Variants in GRM7 observed in about 807,000 individuals in gnomAD.
The protein encoded by GRM7 is glutamate metabotropic receptor 7, also known as metabotropic glutamate receptor 7.
GRM7 carries 35 observed loss-of-function variants against 84.5 expected under a neutral mutation model. That is an observed-to-expected ratio of 0.41 (90% CI 0.32 to 0.55). The LOEUF is 0.55. Ranked by LOEUF, GRM7 falls within the 20% of genes least tolerant of loss-of-function variation. GRM7 has a pLI of 0.19. For missense variants in GRM7, 1,003 were observed against 1,194.6 expected, an observed-to-expected ratio of 0.84 and a Z score of 2.36; for synonymous variants, 487 against 455.1, an observed-to-expected ratio of 1.07 and a Z score of -0.89.
At chr3:7,396,743 AT>A (rs1458201550) in intron 4 of GRM7, among the ~76,000 whole-genome samples, 1 of 152,114 alleles carries the variant, frequency 6.6e-6, no homozygotes, top group Non-Finnish European at 1.5e-5. Flanking sequence ...CTCTTTGTGC[AT>A]GTTATCTGAT....
chr3:7,577,340 A>G (rs1209059163), intron 7 of GRM7, among the ~76,000 whole-genome samples: 1 of 152,208 alleles, frequency 6.6e-6, no homozygotes, highest in Non-Finnish European at 1.5e-5. Flanking sequence ...ACAAGTCCAT[A>G]TGATGGTGAT....
chr3:7,568,930 C>T (rs935748952), intron 7 of GRM7, among the ~76,000 whole-genome samples: 1 of 152,152 alleles, frequency 6.6e-6, no homozygotes, highest in Non-Finnish European at 1.5e-5. Flanking sequence ...CCGCCCCCTG[C>T]TCCACCGGTG....
chr3:7,727,574 T>A (rs1158595086), intron 9 of GRM7, among the ~76,000 whole-genome samples: 1 of 152,210 alleles, frequency 6.6e-6, no homozygotes, highest in East Asian at 1.9e-4. Context: ...TGACACATTA[T>A]GTCCCAGTCT....
Position 6,862,956 on chromosome 3 carries a change from C to G in GRM7, c.519+1049C>G. On this transcript the variant is annotated intron_variant, in intron 1 of 9. Transcript: ENST00000357716. This position sits in a 1 kb window ranked among gnomAD's most constrained non-coding sequence, Gnocchi z 5.2. ...GGGTTCTGCCGCAGTGTTCTCTCGCCTCCTGCTCCAGCAGCCTCTGCCCCA... is the reference window on the plus strand; with the variant it reads ...GGGTTCTGCCGCAGTGTTCTCTCGCGTCCTGCTCCAGCAGCCTCTGCCCCA... 1 of 455,842 alleles carries G rather than the reference C, an allele frequency of 2.2e-6. No individual in the cohort carries two copies. The allele number at this position is 455,842 out of a possible 1,614,324, so 28.2% of individuals were successfully genotyped here.
intron 8 of GRM7, among the ~76,000 whole-genome samples, chr3:7,661,517 G>A (rs1699443433): frequency 6.6e-6 from 1 of 152,122 alleles, no homozygotes; most frequent in South Asian, 2.1e-4. Flanking sequence ...AATGCTGGCC[G>A]GGCGCGGTGG....
chr3:6,891,008 A>G (rs1030306267), intron 1 of GRM7, among the ~76,000 whole-genome samples: 8 of 151,592 alleles, frequency 5.3e-5, no homozygotes, highest in African/African-American at 1.9e-4. Flanking sequence ...GTGTCTTTTG[A>G]TCTTTGTTGG....
chr3:7,458,961 T>G (rs530590109), intron 6 of GRM7, among the ~76,000 whole-genome samples: 65 of 152,332 alleles, frequency 4.3e-4, no homozygotes, highest in African/African-American at 1.3e-3. Flanking sequence ...CAAGACTTGT[T>G]GAAATCAGAA....
intron 4 of GRM7, among the ~76,000 whole-genome samples, chr3:7,322,455 T>A (rs1700819498): frequency 6.6e-6 from 1 of 151,996 alleles, no homozygotes; most frequent in Non-Finnish European, 1.5e-5. Context: ...TGTTGTTACA[T>A]GGATACGTTC....
Position 7,146,434 on chromosome 3 carries a change from G to A in GRM7, c.520-18G>A, listed in dbSNP as rs1377514594. 2.5e-6 allele frequency: 4 copies of A among 1,587,114 alleles called. No individual in the cohort carries two copies. The highest frequency in any genetic ancestry group is 2.2e-5 in the East Asian group (1 of 44,746). ...TCCTGACGGTGCACTCTCACGTGGT[G>A]CTTTCTTGTCTTTGCAGATCCCCCA... is the stretch of plus-strand genomic sequence containing the variant. On this transcript the variant is annotated intron_variant, in intron 1 of 9. Transcript: ENST00000357716.
At chr3:7,049,833 G>A (rs1451893592) in intron 1 of GRM7, among the ~76,000 whole-genome samples, 1 of 151,838 alleles carries the variant, frequency 6.6e-6, no homozygotes, top group Non-Finnish European at 1.5e-5. Flanking sequence ...CCCAAACAAA[G>A]TAAACTGCCA....
intron 1 of GRM7, among the ~76,000 whole-genome samples, chr3:7,145,134 C>T (rs971242557): frequency 3.3e-5 from 5 of 151,962 alleles, no homozygotes; most frequent in African/African-American, 1.2e-4. Flanking sequence ...TTTCAGGGCT[C>T]GAGGAATCAA....
rs1220893117 is a variant in GRM7, at chr3:7,680,294, C to T, written c.2697C>T (p.Asn899=). ...KTELCENVDP[N]SPAAKKKYVS... ...AGCTCTGTGAAAACGTAGACCCAAA[C>T]AGTAAGTAACTCTCCGTTTCTTTCA... Residue 899 remains asparagine (N), a splice_region_variant and synonymous_variant, in exon 9 of 10, where the codon AAC becomes AAT. Transcript: ENST00000357716. The T allele has an allele frequency of 3.7e-6, 6 of 1,613,686 alleles. No homozygotes were observed. The East Asian group carries it at 6.7e-5, about 18-fold the overall frequency.
chr3:7,137,769 A>G lies in GRM7; in HGVS notation c.520-8683A>G, dbSNP rs1037112495. ...AGTGGTGCAATTCAGGACCAGAAAA[A>G]CCCACATAATGTCTTCTCTTCATTG... On this transcript the variant is annotated intron_variant, in intron 1 of 9. Transcript: ENST00000357716. Among the ~76,000 whole-genome samples, 6 of 151,938 alleles carry G rather than the reference A, an allele frequency of 3.9e-5. No homozygotes were observed. In the East Asian group the frequency reaches 7.7e-4, roughly 20 times the overall value.
intron 1 of GRM7, among the ~76,000 whole-genome samples, chr3:6,947,628 G>A (rs1156627775): frequency 6.6e-6 from 1 of 152,192 alleles, no homozygotes; most frequent in African/African-American, 2.4e-5. Context: ...CAGAAGGAAT[G>A]GTACCAGCTC....
intron 1 of GRM7, among the ~76,000 whole-genome samples, chr3:7,123,577 C>T (rs990104416): frequency 6.6e-6 from 1 of 151,996 alleles, no homozygotes; most frequent in Non-Finnish European, 1.5e-5. Flanking sequence ...TGAGATTGCC[C>T]CACTGTACTC....
chr3:7,270,314 C>G (rs1296718409), intron 2 of GRM7, among the ~76,000 whole-genome samples: 1 of 152,172 alleles, frequency 6.6e-6, no homozygotes, highest in Non-Finnish European at 1.5e-5. Flanking sequence ...TAGTGCTCCA[C>G]TAGAGTCTAG....
chr3:7,411,120 A>C (rs999520257), intron 4 of GRM7, among the ~76,000 whole-genome samples: 1 of 152,132 alleles, frequency 6.6e-6, no homozygotes, highest in Non-Finnish European at 1.5e-5. Flanking sequence ...TATGTATCTT[A>C]TAAGGACTCT....
intron 7 of GRM7, among the ~76,000 whole-genome samples, chr3:7,485,970 A>G (rs1360443625): frequency 1.3e-5 from 2 of 152,218 alleles, no homozygotes; most frequent in Non-Finnish European, 2.9e-5. Context: ...CCTTTAACAT[A>G]TTAAGACATA....
intron 8 of GRM7, among the ~76,000 whole-genome samples, chr3:7,585,497 A>G (rs1164499277): frequency 6.6e-6 from 1 of 152,200 alleles, no homozygotes; most frequent in Non-Finnish European, 1.5e-5. Flanking sequence ...ATAAAACTGA[A>G]CTGAGCTAAA....
Sources: gnomAD v4.1 joint callset for allele counts (sites outside exome capture counted in the v4.1 genomes callset) on GRCh38, gnomAD v4.1.1 for gene constraint, Gnocchi (gnomAD v3.1) non-coding constraint, MANE v1.5 for transcripts, NCBI Gene and HGNC (gene_info 2026-07-23, HGNC 2026-07-21) for gene names.